Variants in CCM2 observed in about 807,000 individuals in gnomAD.
CCM2 encodes cerebral cavernous malformations 2 protein.
In CCM2, 25 loss-of-function variants were observed where a neutral mutation model predicts 44.9. The observed-to-expected ratio is 0.56, with a 90% confidence interval of 0.41 to 0.78. CCM2 has a LOEUF of 0.78. Ranked by LOEUF, CCM2 falls within the 30% of genes least tolerant of loss-of-function variation. The pLI is 0.00. For synonymous variants in CCM2, 219 were observed against 241.1 expected, an observed-to-expected ratio of 0.91 and a Z score of 0.85; for missense variants, 481 against 580.6, an observed-to-expected ratio of 0.83 and a Z score of 1.76.
intron 1 of CCM2, among the ~76,000 whole-genome samples, chr7:45,017,079 T>C (rs1451681149): frequency 6.6e-6 from 1 of 152,204 alleles, no homozygotes; most frequent in East Asian, 1.9e-4. Flanking sequence ...CAAACATTCA[T>C]TTTTAAAAGA....
intron 1 of CCM2, among the ~76,000 whole-genome samples, chr7:45,024,749 A>C (rs1471870989): frequency 6.6e-6 from 1 of 152,210 alleles, no homozygotes; most frequent in East Asian, 1.9e-4. Flanking sequence ...TCTGATGCTG[A>C]TCTGAGTCTT....
intron 1 of CCM2, among the ~76,000 whole-genome samples, chr7:45,006,686 T>G (rs1036462879): frequency 1.3e-5 from 2 of 151,916 alleles, no homozygotes; most frequent in Admixed American, 1.3e-4. Context: ...TAAAATGAGG[T>G]AATTGTGTGG....
chr7:45,033,338 G>A (rs1169848383), intron 1 of CCM2, among the ~76,000 whole-genome samples: 1 of 152,176 alleles, frequency 6.6e-6, no homozygotes, highest in Non-Finnish European at 1.5e-5. Flanking sequence ...TAAAATAACA[G>A]TGTAGGTTGC....
intron 1 of CCM2, among the ~76,000 whole-genome samples, chr7:45,028,814 A>G (rs1220276841): frequency 2.0e-5 from 3 of 152,034 alleles, no homozygotes; most frequent in African/African-American, 4.8e-5. Context: ...TAATCTGTCA[A>G]CTGACACTGC....
chr7:45,052,247 C>T (rs1382531633), intron 2 of CCM2, among the ~76,000 whole-genome samples: 2 of 152,216 alleles, frequency 1.3e-5, no homozygotes, highest in African/African-American at 4.8e-5. Flanking sequence ...AAGTATTCAG[C>T]TGGCCAGCAG....
At chr7:45,060,500 G>A (rs73319298) in intron 2 of CCM2, among the ~76,000 whole-genome samples, 5,897 of 152,088 alleles carry the variant, frequency 0.039, 375 homozygotes, top group African/African-American at 0.13. Flanking sequence ...ATTAGTTTGG[G>A]GAACTTCTCA....
At chr7:45,038,837 C>T (rs1376027125) in intron 2 of CCM2, among the ~76,000 whole-genome samples, 1 of 152,196 alleles carries the variant, frequency 6.6e-6, no homozygotes, top group Non-Finnish European at 1.5e-5. Flanking sequence ...GTTTGAGGCT[C>T]ATCATTGGGT....
rs1799142534 is a variant in CCM2, at chr7:45,072,799, AC to A, written c.803+18del. The stretch of plus-strand genomic sequence containing the variant: ...CCAGCACTTTGTGAGTGCACATGCC[AC>A]CAAGCCCTGCGGTGGGACACGCACC... On this transcript the variant is annotated intron_variant, in intron 7 of 9. Coordinates refer to ENST00000258781, the MANE Select transcript of CCM2 (RefSeq NM_031443.4). 1 of 1,607,686 alleles carries A rather than the reference AC, an allele frequency of 6.2e-7. No individual in the cohort carries two copies. The highest frequency in any genetic ancestry group is 2.2e-5 in the East Asian group (1 of 44,868).
chr7:45,014,201 A>C (rs1796171380), intron 1 of CCM2, among the ~76,000 whole-genome samples: 1 of 152,030 alleles, frequency 6.6e-6, no homozygotes, highest in South Asian at 2.1e-4. Context: ...GTGCAGTGGC[A>C]CAATCTTGGC....
chr7:45,072,485 G>C (rs1406658697), intron 6 of CCM2: 3 of 620,530 alleles, frequency 4.8e-6, no homozygotes, highest in South Asian at 3.6e-5. Context: ...TCAGCCCAGC[G>C]TGCAGCAGGA....
chr7:45,059,812 T>C (rs1283094506), intron 2 of CCM2, among the ~76,000 whole-genome samples: 1 of 152,240 alleles, frequency 6.6e-6, no homozygotes, highest in Non-Finnish European at 1.5e-5. Flanking sequence ...CATTCACAAC[T>C]AATCAAAATC....
At chr7:45,014,435 G>A (rs956996557) in intron 1 of CCM2, among the ~76,000 whole-genome samples, 1 of 151,920 alleles carries the variant, frequency 6.6e-6, no homozygotes, top group African/African-American at 2.4e-5. Flanking sequence ...CACCGCGCCC[G>A]GCCTATTTTA....
chr7:45,076,093 G>A lies in CCM2; in HGVS notation c.*36G>A, dbSNP rs772221792. 3.3e-5 allele frequency: 53 copies of A among 1,611,528 alleles called. No homozygotes were observed. The highest frequency in any genetic ancestry group is 4.1e-5 in the Non-Finnish European group (48 of 1,179,856). On this transcript the variant is annotated 3_prime_UTR_variant, in exon 10 of 10. Coordinates refer to ENST00000258781, the MANE Select transcript of CCM2 (RefSeq NM_031443.4). ...ATGGGGGGGCACCCACACCTTCCGC[G>A]CAGTCGTCATAGGCCTTCCCAGAAG...
intron 1 of CCM2, among the ~76,000 whole-genome samples, chr7:45,003,026 A>G (rs1387366801): frequency 6.6e-6 from 1 of 152,198 alleles, no homozygotes; most frequent in Non-Finnish European, 1.5e-5. Flanking sequence ...TTTGGAGAAT[A>G]AGGCTCCTAC....
intron 1 of CCM2, among the ~76,000 whole-genome samples, chr7:45,005,037 G>A (rs1199116537): frequency 3.3e-5 from 5 of 150,372 alleles, no homozygotes; most frequent in Admixed American, 6.6e-5. Context: ...CCACTAAACC[G>A]ATTCTATAAC....
chr7:45,027,098 A>T (rs1246065393), intron 1 of CCM2: 1 of 166,458 alleles, frequency 6.0e-6, no homozygotes, highest in East Asian at 1.6e-4. Context: ...TGAGTCCTGG[A>T]GGCAGGTAGA....
chr7:45,058,410 C>G (rs892211965), intron 2 of CCM2, among the ~76,000 whole-genome samples: 3 of 151,748 alleles, frequency 2.0e-5, no homozygotes, highest in Non-Finnish European at 4.4e-5. Flanking sequence ...TGTTGGTGTG[C>G]TGCACCCATT....
chr7:45,071,390 TTGC>T (rs1799064720), intron 6 of CCM2: 1 of 178,834 alleles, frequency 5.6e-6, no homozygotes. Context: ...CTACTGGGGG[TTGC>T]TGAAGTGGGC....
chr7:45,053,712 G>A lies in CCM2; in HGVS notation c.205-10206G>A, dbSNP rs552368781. On this transcript the variant is annotated intron_variant, in intron 2 of 9. Coordinates refer to ENST00000258781, the MANE Select transcript of CCM2 (RefSeq NM_031443.4). ...CTGATGGTTAGCTTCCCCTTCGGAG[G>A]CTGGCCAGTACAGAGCTTCCCAGTG... Among the ~76,000 whole-genome samples the A allele has an allele frequency of 5.8e-4, 89 of 152,290 alleles. 1 individual carries two copies. Among genetic ancestry groups the A allele is most frequent in the African/African-American group, 1.9e-3 (80 of 41,560 alleles).
Sources: gnomAD v4.1 joint callset for allele counts (sites outside exome capture counted in the v4.1 genomes callset) on GRCh38, gnomAD v4.1.1 for gene constraint, MANE v1.5 for transcripts, NCBI Gene and HGNC (gene_info 2026-07-23, HGNC 2026-07-21) for gene names.